Variants in THNSL1 observed in about 807,000 individuals in gnomAD.
The protein encoded by THNSL1 is threonine synthase-like 1.
In THNSL1, 48 loss-of-function variants were observed where a neutral mutation model predicts 50.4. The observed-to-expected ratio is 0.95, with a 90% confidence interval of 0.76 to 1.21. The LOEUF is 1.21. Among genes scored for constraint, THNSL1 ranks in the 50% most tolerant of loss-of-function variants. The probability of loss-of-function intolerance (pLI) is 0.00; values close to 1 mark genes in which losing one functional copy is unlikely to be tolerated. For missense variants in THNSL1, 896 were observed against 871.7 expected (o/e 1.03, Z -0.35); for synonymous variants, 309 against 306.1 (o/e 1.01, Z -0.10).
chr10:25,007,735 C>T, the THNSL1 span, among the ~76,000 whole-genome samples: 7 of 151,916 alleles, frequency 4.6e-5, no homozygotes, highest in Non-Finnish European at 7.4e-5. Context: ...CGCCCAGCCA[C>T]GTATAGATTT....
upstream of THNSL1, chr10:25,016,120 AC>A: frequency 7.9e-7 from 1 of 1,262,890 alleles, no homozygotes; most frequent in Non-Finnish European, 1.0e-6. Flanking sequence ...GGAAGAAAAC[AC>A]CCTATTTCTC....
the THNSL1 span, among the ~76,000 whole-genome samples, chr10:24,965,529 C>T: frequency 6.6e-6 from 1 of 152,202 alleles, no homozygotes. Flanking sequence ...ATGATTTCTT[C>T]AAATTTCCAA....
chr10:24,954,394 T>C, the THNSL1 span, among the ~76,000 whole-genome samples: 59 of 152,032 alleles, frequency 3.9e-4, no homozygotes, highest in African/African-American at 1.3e-3. Flanking sequence ...AACTTAGCCA[T>C]GAGGCTCAGT....
chr10:24,981,269 G>A, the THNSL1 span, among the ~76,000 whole-genome samples: 5 of 152,124 alleles, frequency 3.3e-5, no homozygotes, highest in Admixed American at 2.0e-4. Context: ...CACCCATGAG[G>A]CTTTGTTGGA....
the THNSL1 span, among the ~76,000 whole-genome samples, chr10:25,008,164 A>C: frequency 6.6e-6 from 1 of 152,146 alleles, no homozygotes; most frequent in East Asian, 1.9e-4. Context: ...AAAACACTAA[A>C]ATAGCTTCTA....
chr10:24,990,595 T>C, the THNSL1 span: 2 of 1,599,700 alleles, frequency 1.3e-6, no homozygotes, highest in East Asian at 2.2e-5. Flanking sequence ...TGTATTCAGG[T>C]GTGACACCAT....
chr10:24,990,449 G>T, the THNSL1 span: 2 of 1,601,980 alleles, frequency 1.2e-6, no homozygotes, highest in Non-Finnish European at 1.7e-6. Context: ...GAATGTAAAT[G>T]GCAGAACACA....
chr10:24,964,202 C>G, the THNSL1 span, among the ~76,000 whole-genome samples: 1 of 152,172 alleles, frequency 6.6e-6, no homozygotes, highest in Non-Finnish European at 1.5e-5. Context: ...GGGTGATAGC[C>G]CAAACTCATC....
chr10:24,966,686 A>G, the THNSL1 span, among the ~76,000 whole-genome samples: 3 of 152,192 alleles, frequency 2.0e-5, no homozygotes, highest in South Asian at 6.2e-4. Context: ...GCATCTGAGT[A>G]TATTCCTTTA....
the THNSL1 span, chr10:24,952,651 G>A: frequency 1.1e-6 from 1 of 894,432 alleles, no homozygotes; most frequent in South Asian, 1.4e-5. This position sits in a 1 kb window ranked among gnomAD's most constrained non-coding sequence, Gnocchi z 5.1. Context: ...TGGGGGATGG[G>A]ACGTGGGGAT....
the THNSL1 span, among the ~76,000 whole-genome samples, chr10:24,977,334 T>C: frequency 6.6e-6 from 1 of 152,232 alleles, no homozygotes; most frequent in African/African-American, 2.4e-5. Context: ...GTTGCTTATG[T>C]GAAAGGGACA....
chr10:24,972,644 G>A, the THNSL1 span, among the ~76,000 whole-genome samples: 3 of 152,258 alleles, frequency 2.0e-5, no homozygotes, highest in South Asian at 6.2e-4. Context: ...GGAAGTGATT[G>A]TCTTAGGAGG....
the THNSL1 span, among the ~76,000 whole-genome samples, chr10:24,998,150 T>A: frequency 6.6e-6 from 1 of 152,158 alleles, no homozygotes; most frequent in Admixed American, 6.5e-5. Flanking sequence ...AATACTGCCA[T>A]AAAGAGAAGT....
At chr10:24,972,522 A>AAAAAAAAAAAAAAAAAAAAAT in the THNSL1 span, among the ~76,000 whole-genome samples, 1 of 150,072 alleles carries the variant, frequency 6.7e-6, no homozygotes, top group African/African-American at 2.5e-5. Flanking sequence ...AAAAAAAAAT[A>AAAAAAAAAAAAAAAAAAAAAT]AATAATAATA....
chr10:24,988,899 AG>A, the THNSL1 span, among the ~76,000 whole-genome samples: 2 of 151,770 alleles, frequency 1.3e-5, no homozygotes, highest in African/African-American at 2.4e-5. Context: ...AGTGTGGCTC[AG>A]GGCTCGTCAG....
chr10:24,989,856 C>T, the THNSL1 span, among the ~76,000 whole-genome samples: 2 of 152,044 alleles, frequency 1.3e-5, no homozygotes, highest in African/African-American at 4.8e-5. Context: ...ATTAAACGCT[C>T]ATACAAATGA....
At chr10:24,964,088 C>T in the THNSL1 span, among the ~76,000 whole-genome samples, 6 of 152,214 alleles carry the variant, frequency 3.9e-5, no homozygotes, top group Non-Finnish European at 5.9e-5. Flanking sequence ...TGTTTAACAA[C>T]ATTCCTGGCT....
chr10:25,015,730 C>T (rs1850553658), upstream of THNSL1: 1 of 823,904 alleles, frequency 1.2e-6, no homozygotes, highest in South Asian at 3.4e-5. Context: ...ACAAGTTATC[C>T]TCCAAGGCTA....
chr10:24,963,344 G>A, the THNSL1 span, among the ~76,000 whole-genome samples: 2 of 152,146 alleles, frequency 1.3e-5, no homozygotes, highest in Admixed American at 1.3e-4. Flanking sequence ...TGACCTTTCT[G>A]TATTCTTTTT....
Sources: allele counts gnomAD v4.1 joint callset (sites outside exome capture counted in the v4.1 genomes callset), GRCh38; gene constraint gnomAD v4.1.1; non-coding constraint Gnocchi (gnomAD v3.1); transcripts MANE v1.5; gene names NCBI Gene and HGNC (gene_info 2026-07-23, HGNC 2026-07-21).